Variants in TRPM7 observed in about 807,000 individuals in gnomAD.
TRPM7 encodes the protein transient receptor potential cation channel subfamily M member 7.
A neutral mutation model predicts 229.7 loss-of-function variants in TRPM7; 134 were observed. The observed-to-expected ratio is 0.58, with a 90% confidence interval of 0.51 to 0.67. The LOEUF (loss-of-function observed/expected upper bound fraction) is 0.67, where lower values mean the gene tolerates loss of function less well. TRPM7 is among the 30% of genes least tolerant of loss of function. The pLI is 0.00. For synonymous variants in TRPM7, 699 were observed against 715.2 expected (o/e 0.98, Z 0.36); for missense variants, 1,901 against 2,210.0 (o/e 0.86, Z 2.80).
intron 2 of TRPM7, 139 bp from the exon 3 acceptor site, chr15:50,657,958 T>A: frequency 1.8e-6 from 1 of 554,410 alleles, no homozygotes; most frequent in Non-Finnish European, 3.2e-6. Context: ...AGTTCACGTA[T>A]ACCTTGATTT....
In TRPM7 at chr15:50,592,287, A is replaced by G. The variant is rs191775320; in HGVS notation, c.3948T>C (p.Asn1316=). The part of the protein sequence containing the change: ...DLESNNPFHC[N]ILMKDDKDPQ... Reference sequence around the variant, plus strand: ...GATCTTTGTCATCTTTCATTAAAATATTACAATGAAAAGGATTATTACTTT... The same window carrying G: ...GATCTTTGTCATCTTTCATTAAAATGTTACAATGAAAAGGATTATTACTTT... Residue 1316 remains asparagine (N), a synonymous_variant, in exon 26 of 39, where the codon AAT becomes AAC. Transcript: ENST00000646667. 88 of 1,613,976 alleles carry G rather than the reference A, an allele frequency of 5.5e-5. No homozygotes were observed. Among genetic ancestry groups the G allele is most frequent in the Non-Finnish European group, 5.8e-5 (69 of 1,179,968 alleles).
intron 1 of TRPM7, among the ~76,000 whole-genome samples, chr15:50,679,513 TATATATATATATATATATATATATA>T (rs2062185978): frequency 3.2e-5 from 2 of 61,878 alleles, no homozygotes; most frequent in Non-Finnish European, 5.3e-5. Flanking sequence ...ATATATATAA[TATATATATATATATATATATATATA>T]TTTTTTTTTT....
intron 1 of TRPM7, among the ~76,000 whole-genome samples, chr15:50,671,995 G>A (rs11070805): frequency 0.33 from 50,010 of 151,976 alleles, 10,038 homozygotes; most frequent in Admixed American, 0.47. Context: ...ACTGATTTAT[G>A]TATTTACTAG....
Position 50,609,934 on chromosome 15 carries a change from C to G in TRPM7, c.2308G>C (p.Ala770Pro). The G allele has an allele frequency of 6.2e-7, 1 of 1,606,878 alleles. No homozygotes were observed. The highest frequency in any genetic ancestry group is 8.5e-7 in the Non-Finnish European group (1 of 1,176,772). The change falls in exon 18 of 39, where the codon GCC becomes CCC. Residue 770 changes from alanine to proline, a missense_variant. Physicochemically the swap from Ala to Pro is conservative, Grantham distance 27. Coordinates refer to ENST00000646667, the MANE Select transcript of TRPM7 (RefSeq NM_017672.6). ...KVILSILVPP[A>P]ILLLEYKTKA... ...GTTTTATACTCTAACAGCAATATGG[C>G]AGGTGGAACTAAAATGCTTAGTATG...
At chr15:50,616,454 A>G (rs1422165098) in intron 13 of TRPM7, among the ~76,000 whole-genome samples, 1 of 152,156 alleles carries the variant, frequency 6.6e-6, no homozygotes. Context: ...GGGAATTTTA[A>G]TTATTTAAAA....
At chr15:50,677,753 A>C (rs940848137) in intron 1 of TRPM7, among the ~76,000 whole-genome samples, 5 of 150,158 alleles carry the variant, frequency 3.3e-5, no homozygotes, top group African/African-American at 9.8e-5. Flanking sequence ...AAAAAAAAAA[A>C]AAAAAAACAA....
intron 1 of TRPM7, among the ~76,000 whole-genome samples, chr15:50,668,799 T>C (rs1596339723): frequency 6.6e-6 from 1 of 152,190 alleles, no homozygotes; most frequent in East Asian, 1.9e-4. Flanking sequence ...TGAGCCACCA[T>C]GCCTGGCCTA....
chr15:50,604,727 G>T, intron 21 of TRPM7, 139 bp downstream of exon 21: 1 of 794,360 alleles, frequency 1.3e-6, no homozygotes, highest in Non-Finnish European at 2.0e-6. Context: ...CTTAAGGAAT[G>T]GCAGATGTGA....
intron 38 of TRPM7, among the ~76,000 whole-genome samples, chr15:50,562,736 G>A (rs2053374168): frequency 1.3e-5 from 2 of 150,210 alleles, no homozygotes; most frequent in Non-Finnish European, 2.9e-5. Context: ...TCATGCCACT[G>A]TACTTCAACC....
chr15:50,628,685 C>A (rs943541262), intron 10 of TRPM7, among the ~76,000 whole-genome samples: 1 of 152,164 alleles, frequency 6.6e-6, no homozygotes, highest in Non-Finnish European at 1.5e-5. Context: ...AGTAGCCTGC[C>A]TCAGAGATAA....
intron 7 of TRPM7, 22 bp from the exon 8 acceptor site, chr15:50,634,578 T>TA: frequency 7.4e-7 from 1 of 1,354,610 alleles, no homozygotes; most frequent in Non-Finnish European, 9.6e-7. Flanking sequence ...AAAGTTAAAT[T>TA]AAAAAATTAT....
At chr15:50,673,296 T>C (rs1258975853) in intron 1 of TRPM7, among the ~76,000 whole-genome samples, 1 of 152,172 alleles carries the variant, frequency 6.6e-6, no homozygotes, top group Admixed American at 6.6e-5. Context: ...CATAGGTTAT[T>C]GGAAACAGGT....
chr15:50,613,835 C>T lies in TRPM7; in HGVS notation c.1642G>A (p.Gly548Ser). The change falls in exon 15 of 39, where the codon GGC becomes AGC. Residue 548 changes from glycine to serine, a missense_variant. Gly to Ser is a moderately conservative substitution (Grantham distance 56, BLOSUM62 0). Transcript: ENST00000646667. ...GGAGTGCTGCTGGAGGTATTTCGGC[C>T]AGACCTCTGAAAATGAGATCTTATT... Reference protein sequence around the residue: ...NSLGGNNRRSGRNTSSSTPQL... With the variant: ...NSLGGNNRRSSRNTSSSTPQL... The T allele has an allele frequency of 6.2e-7, 1 of 1,608,790 alleles. No homozygotes were observed. The highest frequency in any genetic ancestry group is 8.5e-7 in the Non-Finnish European group (1 of 1,178,832).
In TRPM7 at chr15:50,632,907, A is replaced by G. The variant is rs1247483790; in HGVS notation, c.1093T>C (p.Phe365Leu). The change falls in exon 9 of 39, where the codon TTT becomes CTT. Residue 365 changes from phenylalanine to leucine, a missense_variant. By Grantham distance (22) the Phe-to-Leu change is conservative (BLOSUM62 0). Transcript: ENST00000646667. ...TTCATGCACTCCATCAGTGTTTGAA[A>G]TAAATGAAGTGCTTCATTCTGGCCA... ...NFGQNEALHLFQTLMECMKRK... is the reference protein window; with the variant it reads ...NFGQNEALHLLQTLMECMKRK... The G allele has an allele frequency of 1.3e-6, 2 of 1,594,148 alleles. No individual in the cohort carries two copies.
intron 25 of TRPM7, among the ~76,000 whole-genome samples, 161 bp downstream of exon 25, chr15:50,593,456 G>C (rs1335960498): frequency 2.6e-5 from 4 of 152,058 alleles, no homozygotes; most frequent in Non-Finnish European, 5.9e-5. Flanking sequence ...TGACTTATAT[G>C]AAGTATTAAT....
At chr15:50,673,197 G>C (rs183719204) in intron 1 of TRPM7, among the ~76,000 whole-genome samples, 20 of 152,186 alleles carry the variant, frequency 1.3e-4, no homozygotes, top group Middle Eastern at 3.4e-3. Context: ...GACTCGCCCA[G>C]AACAACTTCC....
At position 50,574,738 on chromosome 15, in the gene TRPM7, GGA is replaced by G; in HGVS notation, c.5020-21_5020-20del. 6.2e-7 allele frequency: 1 copy of G among 1,603,286 alleles called. No homozygotes were observed. Among genetic ancestry groups the G allele is most frequent in the Non-Finnish European group, 8.5e-7 (1 of 1,174,590 alleles). ...GAATTTCCTATAAAAGGGAGGGTGG[GGA>G]GAACCCTTGTTTAATATTTAAACTA... On this transcript the variant is annotated intron_variant, in intron 34 of 38. Transcript: ENST00000646667.
chr15:50,669,961 T>C (rs1014393656), intron 1 of TRPM7, among the ~76,000 whole-genome samples: 1 of 152,204 alleles, frequency 6.6e-6, no homozygotes, highest in African/African-American at 2.4e-5. Flanking sequence ...ATGGAATACA[T>C]TGCTGTTGTA....
intron 10 of TRPM7, among the ~76,000 whole-genome samples, chr15:50,629,156 G>GAT (rs2060651027): frequency 6.6e-6 from 1 of 151,026 alleles, no homozygotes; most frequent in African/African-American, 2.5e-5. Flanking sequence ...TAGGTACAAG[G>GAT]ATATATACTT....
Sources: gnomAD v4.1 joint callset for allele counts (sites outside exome capture counted in the v4.1 genomes callset) on GRCh38, gnomAD v4.1.1 for gene constraint, MANE v1.5 for transcripts, NCBI Gene and HGNC (gene_info 2026-07-23, HGNC 2026-07-21) for gene names.